FBXL12: variants seen among roughly 807,000 people sequenced by gnomAD.
The protein encoded by FBXL12 is F-box and leucine rich repeat protein 12.
In FBXL12, 22 loss-of-function variants were observed where a neutral mutation model predicts 24.9. The observed-to-expected ratio is 0.88, with a 90% CI of 0.63 to 1.26. FBXL12 has a LOEUF of 1.26. Among genes scored for constraint, FBXL12 ranks in the 50% most tolerant of loss-of-function variants. The probability of loss-of-function intolerance (pLI) is 0.00; values close to 1 mark genes in which losing one functional copy is unlikely to be tolerated. For synonymous variants in FBXL12, 193 were observed against 193.8 expected (o/e 1.00, Z 0.03); for missense variants, 384 against 434.1 (o/e 0.88, Z 1.03).
Position 9,811,102 on chromosome 19 carries a change from G to T in FBXL12, c.775C>A (p.Leu259Met), listed in dbSNP as rs2045735876. 1 of 1,608,588 alleles carries T rather than the reference G, an allele frequency of 6.2e-7. No homozygotes were observed. The highest frequency in any genetic ancestry group is 2.2e-5 in the East Asian group (1 of 44,694). The change falls in exon 3 of 3, where the codon CTG becomes ATG. Residue 259 changes from leucine (L) to methionine (M), a missense_variant. By Grantham distance (15) the Leu-to-Met change is conservative. Transcript: ENST00000247977. The surrounding 1 kb of genome is among the most constrained non-coding windows in gnomAD (Gnocchi z 6.0). ...EGMPALESLC[L>M]QGPLVTPEMP... ...TCTGGGGTGACGAGGGGACCCTGCA[G>T]GCACAGACTCTCCAGGGCCGGCATT...
intron 2 of FBXL12, among the ~76,000 whole-genome samples, chr19:9,813,570 C>T (rs544030155): frequency 1.5e-4 from 22 of 150,572 alleles, no homozygotes; most frequent in African/African-American, 4.9e-4. Flanking sequence ...AGCGCAATCT[C>T]GGCTCACTGC....
Position 9,810,814 on chromosome 19 carries a change from TCTGCCCTCTTCAAGGTGCTGCTCAGA to T in FBXL12, c.*56_*81del. 1 of 1,122,994 alleles carries T rather than the reference TCTGCCCTCTTCAAGGTGCTGCTCAGA, an allele frequency of 8.9e-7. No homozygotes were observed. Among genetic ancestry groups the T allele is most frequent in the East Asian group, 2.4e-5 (1 of 40,982 alleles). 69.6% of individuals were successfully genotyped at this position (1,122,994 alleles called of 1,614,324 possible). A position where few individuals can be genotyped will look rare whatever the true frequency, so the allele number is the denominator to read the frequency against. On this transcript the variant is annotated 3_prime_UTR_variant, in exon 3 of 3. Transcript: ENST00000247977. ...CTTTCAGTTTCCTCAAGTCTGATTA[TCTGCCCTCTTCAAGGTGCTGCTCAGA>T]GGGTCTGGGGCTCAATGATGAAAAC...
intron 2 of FBXL12, among the ~76,000 whole-genome samples, chr19:9,813,960 ACT>A (rs774726024): frequency 5.6e-4 from 85 of 151,768 alleles, no homozygotes; most frequent in Non-Finnish European, 5.0e-4. Context: ...TCTACATCAA[ACT>A]CTTCCATTCA....
intron 2 of FBXL12, among the ~76,000 whole-genome samples, chr19:9,812,029 G>A (rs1422184840): frequency 6.6e-6 from 1 of 151,252 alleles, no homozygotes; most frequent in Non-Finnish European, 1.5e-5. Context: ...GGACCTCCTA[G>A]GCTCAAGTGA....
At position 9,810,651 on chromosome 19, in the gene FBXL12, G is replaced by C. The variant is rs1483182246; in HGVS notation, c.*245C>G. The C allele has an allele frequency of 4.8e-6, 2 of 417,786 alleles. No individual in the cohort carries two copies. The highest frequency in any genetic ancestry group is 3.9e-5 in the African/African-American group (2 of 50,954). 25.9% of individuals were successfully genotyped at this position (417,786 alleles called of 1,614,324 possible). ...TAAGGCTTTGCAATGTAACCGTGAG[G>C]TAGCTATGATCATCCTTATTTCCAG... On this transcript the variant is annotated 3_prime_UTR_variant, in exon 3 of 3. Coordinates refer to ENST00000247977, the MANE Select transcript of FBXL12 (RefSeq NM_017703.3).
In FBXL12 at chr19:9,811,526, C is replaced by T; in HGVS notation, c.351G>A (p.Val117=). Residue 117 remains valine, a synonymous_variant, in exon 3 of 3, where the codon GTG becomes GTA. Transcript: ENST00000247977. This position sits in a 1 kb window ranked among gnomAD's most constrained non-coding sequence, Gnocchi z 6.0. The stretch of plus-strand genomic sequence containing the variant: ...AGGTGCTGGGCAGGCTGGTGATGGG[C>T]ACCATGCTCAGGTCGGCCACGTGCA... ...LCLHVADLSM[V]PITSLPSTLR... The T allele has an allele frequency of 6.2e-7, 1 of 1,612,442 alleles. No individual in the cohort carries two copies. Among genetic ancestry groups the T allele is most frequent in the Non-Finnish European group, 8.5e-7 (1 of 1,178,982 alleles).
intron 2 of FBXL12, among the ~76,000 whole-genome samples, chr19:9,812,568 A>G (rs545390935): frequency 6.8e-6 from 1 of 146,790 alleles, no homozygotes; most frequent in Non-Finnish European, 1.5e-5. Flanking sequence ...TAAATCTGGT[A>G]GGGGAAAAAA....
intron 2 of FBXL12, among the ~76,000 whole-genome samples, chr19:9,812,512 T>C (rs1361028550): frequency 4.7e-4 from 54 of 114,672 alleles, no homozygotes; most frequent in African/African-American, 1.4e-3. Context: ...GCCTGGGCGA[T>C]AGAGTGAGAC....
In FBXL12 at chr19:9,811,616, G is replaced by C. The variant is rs763720837; in HGVS notation, c.261C>G (p.Pro87=). The change falls in exon 3 of 3, where the codon CCC becomes CCG. Residue 87 remains proline, a synonymous_variant. Transcript: ENST00000247977. This position sits in a 1 kb window ranked among gnomAD's most constrained non-coding sequence, Gnocchi z 6.0. ...GGYLFSGSQA[P]QLSPALLRAL... ...CTCTCAACAGAGCAGGGGACAACTG[G>C]GGGGCCTGGGAGCCAGAGAACAGGT... 42 of 1,538,542 alleles carry C rather than the reference G, an allele frequency of 2.7e-5. No homozygotes were observed. Among genetic ancestry groups the C allele is most frequent in the Non-Finnish European group, 6.1e-6 (7 of 1,141,490 alleles).
At chr19:9,812,858 G>T (rs2045790324) in intron 2 of FBXL12, among the ~76,000 whole-genome samples, 1 of 151,660 alleles carries the variant, frequency 6.6e-6, no homozygotes, top group African/African-American at 2.4e-5. Flanking sequence ...CAGATCACCT[G>T]AGGTCAGGAG....
At chr19:9,818,410 C>G in intron 2 of FBXL12, 135 bp downstream of exon 2, 1 of 916,406 alleles carries the variant, frequency 1.1e-6, no homozygotes, top group South Asian at 1.6e-5. Context: ...GCGATGATGC[C>G]GAGATAGGCC....
chr19:9,818,261 ATGTGCCAGAC>A, intron 2 of FBXL12: 1 of 451,032 alleles, frequency 2.2e-6, no homozygotes, highest in South Asian at 4.9e-5. Context: ...AATGATAAAT[ATGTGCCAGAC>A]TGTTCTAAGC....
At chr19:9,812,273 G>A (rs986758977) in intron 2 of FBXL12, among the ~76,000 whole-genome samples, 20 of 152,110 alleles carry the variant, frequency 1.3e-4, no homozygotes, top group Non-Finnish European at 1.9e-4. Flanking sequence ...GCTCATGCCT[G>A]TAATCCCAGC....
In FBXL12 at chr19:9,811,583, G is replaced by C. The variant is rs770984195; in HGVS notation, c.294C>G (p.Gly98=). ...GGCGCTTCAGGTTGGGGCACTTCTG[G>C]CCCAGGGCTCTCAACAGAGCAGGGG... is the stretch of plus-strand genomic sequence containing the variant. ...QLSPALLRAL[G]QKCPNLKRLC... The change falls in exon 3 of 3, where the codon GGC becomes GGG. Residue 98 remains glycine (G), a synonymous_variant. Transcript: ENST00000247977. This position sits in a 1 kb window ranked among gnomAD's most constrained non-coding sequence, Gnocchi z 6.0. 1 of 1,584,882 alleles carries C rather than the reference G, an allele frequency of 6.3e-7. No homozygotes were observed.
At chr19:9,816,087 G>A (rs575589056) in intron 2 of FBXL12, among the ~76,000 whole-genome samples, 2 of 152,136 alleles carry the variant, frequency 1.3e-5, no homozygotes, top group African/African-American at 2.4e-5. Flanking sequence ...GAGCAGCTAG[G>A]GCACAGGACA....
At position 9,811,996 on chromosome 19, in the gene FBXL12, G is replaced by A. The variant is rs145785440; in HGVS notation, c.160-279C>T. Among the ~76,000 whole-genome samples, 491 of 150,680 alleles carry A rather than the reference G, an allele frequency of 3.3e-3. 5 individuals carry two copies. Among genetic ancestry groups the A allele is most frequent in the African/African-American group, 0.011 (463 of 40,972 alleles). ...GTCACCCAGTCTACAGTGCAGTGGT[G>A]AGATAATGGCTCACTGCAGCCTGGA... On this transcript the variant is annotated intron_variant, in intron 2 of 2. Coordinates refer to ENST00000247977, the MANE Select transcript of FBXL12 (RefSeq NM_017703.3). This position sits in a 1 kb window ranked among gnomAD's most constrained non-coding sequence, Gnocchi z 6.0.
In FBXL12 at chr19:9,818,941, G is replaced by T. The variant is rs1165584393; in HGVS notation, c.-128C>A. 3 of 858,450 alleles carry T rather than the reference G, an allele frequency of 3.5e-6. No homozygotes were observed. The highest frequency in any genetic ancestry group is 5.4e-6 in the Non-Finnish European group (3 of 550,636). 53.2% of individuals were successfully genotyped at this position (858,450 alleles called of 1,614,324 possible). On this transcript the variant is annotated 5_prime_UTR_variant, in exon 1 of 3. Coordinates refer to ENST00000247977, the MANE Select transcript of FBXL12 (RefSeq NM_017703.3). Reference sequence around the variant, plus strand: ...GGTCGAGAAATTTGACCTTCCTCTCGCTGGGAAGTGATTCGGTCCCAGGGC... The same window carrying T: ...GGTCGAGAAATTTGACCTTCCTCTCTCTGGGAAGTGATTCGGTCCCAGGGC...
At position 9,818,822 on chromosome 19, in the gene FBXL12, C is replaced by T. The variant is rs761691565; in HGVS notation, c.-9G>A. On this transcript the variant is annotated 5_prime_UTR_variant, in exon 1 of 3. Transcript: ENST00000247977. ...TCGACCAAAGTCGCCATGATCCCGC[C>T]GACACGCACTTCCGCTTCCGGTTAA... The T allele has an allele frequency of 2.6e-6, 4 of 1,548,402 alleles. No homozygotes were observed. In the Admixed American group the frequency reaches 7.8e-5, roughly 30 times the overall value.
In FBXL12 at chr19:9,818,799, G is replaced by A. The variant is rs760650771; in HGVS notation, c.15C>T (p.Val5=). 1 of 1,552,870 alleles carries A rather than the reference G, an allele frequency of 6.4e-7. No individual in the cohort carries two copies. Among genetic ancestry groups the A allele is most frequent in the African/African-American group, 1.4e-5 (1 of 73,778 alleles). ...CGAGCAGGACCGAGTCCGGCAGTTC[G>A]ACCAAAGTCGCCATGATCCCGCCGA... MATL[V]ELPDSVLLEI... The change falls in exon 1 of 3, where the codon GTC becomes GTT. Residue 5 remains valine (V), a synonymous_variant. Transcript: ENST00000247977.
Sources: allele counts gnomAD v4.1 joint callset (sites outside exome capture counted in the v4.1 genomes callset), GRCh38; gene constraint gnomAD v4.1.1; non-coding constraint Gnocchi (gnomAD v3.1); transcripts MANE v1.5; gene names NCBI Gene and HGNC (gene_info 2026-07-23, HGNC 2026-07-21).